Variants in STC2 observed in about 807,000 individuals in gnomAD.
STC2 encodes stanniocalcin-2.
A neutral mutation model predicts 22.7 loss-of-function variants in STC2; 7 were observed. That is an observed-to-expected ratio of 0.31 (90% CI 0.18 to 0.58). The LOEUF (loss-of-function observed/expected upper bound fraction) is 0.58. Among genes scored for constraint, STC2 ranks in the 20% least tolerant of loss-of-function variants. The probability of loss-of-function intolerance (pLI) is 0.89; values close to 1 mark genes in which losing one functional copy is unlikely to be tolerated. For synonymous variants in STC2, 158 were observed against 163.4 expected, an observed-to-expected ratio of 0.97 and a Z score of 0.25; for missense variants, 336 against 406.2, an observed-to-expected ratio of 0.83 and a Z score of 1.48.
At position 173,328,145 on chromosome 5, in the gene STC2, C is replaced by T. The variant is rs1192348754; in HGVS notation, c.49G>A (p.Ala17Thr). 4 of 1,597,828 alleles carry T rather than the reference C, an allele frequency of 2.5e-6. No homozygotes were observed. Among genetic ancestry groups the T allele is most frequent in the East Asian group, 2.3e-5 (1 of 43,414 alleles). Residue 17 changes from alanine (A) to threonine (T), a missense_variant, in exon 1 of 4, where the codon GCC becomes ACC. Ala to Thr is a moderately conservative substitution (Grantham distance 58). Around this residue, in one of 3 missense-constraint regions of STC2, gnomAD observed 99 missense variants for 122.7 expected, o/e 0.81. Coordinates refer to ENST00000265087, the MANE Select transcript of STC2 (RefSeq NM_003714.3). ...GQFMTLALVL[A>T]TFDPARGTDA... ...GTCCCCCGCGCCGGGTCAAAGGTGG[C>T]CAACACCAAAGCCAGGGTCATGAAC...
intron 2 of STC2, among the ~76,000 whole-genome samples, chr5:173,324,556 C>A (rs1044541038): frequency 1.3e-5 from 2 of 152,354 alleles, no homozygotes; most frequent in Non-Finnish European, 2.9e-5. Flanking sequence ...ATGGCCTCCC[C>A]GTGGCCCCCT....
intron 2 of STC2, among the ~76,000 whole-genome samples, chr5:173,324,560 GC>G (rs1175451960): frequency 3.9e-5 from 6 of 152,160 alleles, no homozygotes. Context: ...CCTCCCCGTG[GC>G]CCCCTCTCTT....
At chr5:173,322,381 T>C (rs1291632045) in intron 3 of STC2, among the ~76,000 whole-genome samples, 1 of 152,160 alleles carries the variant, frequency 6.6e-6, no homozygotes, top group Non-Finnish European at 1.5e-5. Context: ...TGCTGCAAAA[T>C]TTAGGATCCT....
intron 1 of STC2, among the ~76,000 whole-genome samples, chr5:173,327,226 C>T (rs1209523338): frequency 1.3e-5 from 2 of 152,240 alleles, no homozygotes; most frequent in East Asian, 3.9e-4. Context: ...CGCACGCCGC[C>T]GCTGCCGCGT....
At position 173,323,465 on chromosome 5, in the gene STC2, G is replaced by T; in HGVS notation, c.295-35C>A. ...CACAGGCCGGGGAAGGGAGAGAGGG[G>T]CAGAAAGCAGAAGACCTCGTTACAT... On this transcript the variant is annotated intron_variant, in intron 2 of 3. Transcript: ENST00000265087. This position sits in a 1 kb window ranked among gnomAD's most constrained non-coding sequence, Gnocchi z 5.4. 6.4e-7 allele frequency: 1 copy of T among 1,552,276 alleles called. No homozygotes were observed. Among genetic ancestry groups the T allele is most frequent in the Non-Finnish European group, 8.8e-7 (1 of 1,140,616 alleles).
Position 173,323,574 on chromosome 5 carries a change from TC to T in STC2, c.295-145del. ...AAGGCCCCACCAGAGACGGACGTCC[TC>T]CCAGGTGACAGGCAATGCGACATCC... On this transcript the variant is annotated intron_variant, in intron 2 of 3. Coordinates refer to ENST00000265087, the MANE Select transcript of STC2 (RefSeq NM_003714.3). This position sits in a 1 kb window ranked among gnomAD's most constrained non-coding sequence, Gnocchi z 5.4. 1.3e-6 allele frequency: 1 copy of T among 794,272 alleles called. No homozygotes were observed. The highest frequency in any genetic ancestry group is 2.0e-6 in the Non-Finnish European group (1 of 495,248). The allele number at this position is 794,272 out of a possible 1,614,324, so 49.2% of individuals were successfully genotyped here.
At position 173,315,862 on chromosome 5, in the gene STC2, G is replaced by C. The variant is rs992346357; in HGVS notation, c.*1985C>G. The C allele has an allele frequency of 1.3e-5, 2 of 152,246 alleles. No homozygotes were observed. Among genetic ancestry groups the C allele is most frequent in the Non-Finnish European group, 2.9e-5 (2 of 68,072 alleles). 9.4% of individuals were successfully genotyped at this position (152,246 alleles called of 1,614,324 possible). On this transcript the variant is annotated 3_prime_UTR_variant, in exon 4 of 4. Transcript: ENST00000265087. ...CCCCAGATCTTGCTGGGTGCCCAGGGAGCCCGGTGGCGGGGGCTGGAGGTG... is the reference window on the plus strand; with the variant it reads ...CCCCAGATCTTGCTGGGTGCCCAGGCAGCCCGGTGGCGGGGGCTGGAGGTG...
In STC2 at chr5:173,323,358, G is replaced by A. The variant is rs146639722; in HGVS notation, c.367C>T (p.Arg123Trp). ...ATTTCCCTGATGGCCGGGCACTTCCGGCTTATGCAGCCGAACCTGTGCCGC... is the reference window on the plus strand; with the variant it reads ...ATTTCCCTGATGGCCGGGCACTTCCAGCTTATGCAGCCGAACCTGTGCCGC... Reference protein sequence around the residue: ...ALRHRFGCISRKCPAIREMVS... With the variant: ...ALRHRFGCISWKCPAIREMVS... Residue 123 changes from arginine (R) to tryptophan (W), a missense_variant, in exon 3 of 4, where the codon CGG becomes TGG. Transcript: ENST00000265087. The surrounding 1 kb of genome is among the most constrained non-coding windows in gnomAD (Gnocchi z 5.4). 1 of 1,614,066 alleles carries A rather than the reference G, an allele frequency of 6.2e-7. No homozygotes were observed. Among genetic ancestry groups the A allele is most frequent in the Non-Finnish European group, 8.5e-7 (1 of 1,180,030 alleles).
intron 3 of STC2, chr5:173,322,931 G>T: frequency 2.3e-6 from 1 of 442,668 alleles, no homozygotes; most frequent in African/African-American, 2.0e-5. Flanking sequence ...TCTTGGCTAA[G>T]GGGAAGATGA....
chr5:173,319,549 G>A lies in STC2; in HGVS notation c.507-1300C>T, dbSNP rs924341668. 4.6e-5 allele frequency among the ~76,000 whole-genome samples: 7 copies of A among 152,374 alleles called. No homozygotes were observed. In the South Asian group the frequency reaches 1.4e-3, roughly 32 times the overall value. ...CCAGAGAGGCTGCGTTACAGCCCATGGAGCCTTTTCTTTGCAAGTTGGCAG... is the reference window on the plus strand; with the variant it reads ...CCAGAGAGGCTGCGTTACAGCCCATAGAGCCTTTTCTTTGCAAGTTGGCAG... On this transcript the variant is annotated intron_variant, in intron 3 of 3. Coordinates refer to ENST00000265087, the MANE Select transcript of STC2 (RefSeq NM_003714.3).
Position 173,323,027 on chromosome 5 carries a change from TTC to T in STC2, c.506+190_506+191del, listed in dbSNP as rs1183022978. 1.2e-5 allele frequency: 7 copies of T among 600,938 alleles called. No homozygotes were observed. The highest frequency in any genetic ancestry group is 9.3e-5 in the African/African-American group (5 of 53,816). The allele number at this position is 600,938 out of a possible 1,614,324, so 37.2% of individuals were successfully genotyped here. Reference sequence around the variant, plus strand: ...TGTGATTTTGAGACTGATGAGGGAATTCTCTCTTTTCCTAAAAGCCAGCAGGA... The same window carrying T: ...TGTGATTTTGAGACTGATGAGGGAATTCTCTTTTCCTAAAAGCCAGCAGGA... On this transcript the variant is annotated intron_variant, in intron 3 of 3. Transcript: ENST00000265087. The surrounding 1 kb of genome is among the most constrained non-coding windows in gnomAD (Gnocchi z 5.4).
intron 1 of STC2, 59 bp downstream of exon 1, chr5:173,327,984 G>C: frequency 7.2e-7 from 1 of 1,391,174 alleles, no homozygotes; most frequent in East Asian, 2.7e-5. Context: ...GGGGCGCGCC[G>C]CGTGGGTGCA....
At chr5:173,322,982 G>A (rs1364759689) in intron 3 of STC2, 8 of 564,162 alleles carry the variant, frequency 1.4e-5, no homozygotes, top group African/African-American at 5.6e-5. Context: ...TTAGTAAAAC[G>A]ATTTCCCATT....
intron 2 of STC2, among the ~76,000 whole-genome samples, chr5:173,324,724 GA>G (rs1762525789): frequency 6.6e-6 from 1 of 152,206 alleles, no homozygotes; most frequent in Admixed American, 6.5e-5. Flanking sequence ...GAATTTATGC[GA>G]GGGCTGTGGC....
rs200270109 is a variant in STC2 at position 173,318,022 on chromosome 5, T to G, written c.734A>C (p.His245Pro). Residue 245 changes from histidine to proline, a missense_variant, in exon 4 of 4, where the codon CAC becomes CCC. Around this residue, in one of 3 missense-constraint regions of STC2, gnomAD observed 215 missense variants for 231.5 expected, o/e 0.93. Transcript: ENST00000265087. Reference sequence around the variant, plus strand: ...CTCCCTACTGCTGGGCTCTGGGAGGTGATGTCCTGCTTCCCCGTGGTGGGC... The same window carrying G: ...CTCCCTACTGCTGGGCTCTGGGAGGGGATGTCCTGCTTCCCCGTGGTGGGC... ...SRAHHGEAGH[H>P]LPEPSSRETG... is the part of the protein sequence containing the mutation. 4 of 1,611,838 alleles carry G rather than the reference T, an allele frequency of 2.5e-6. No homozygotes were observed. The highest frequency in any genetic ancestry group is 8.5e-7 in the Non-Finnish European group (1 of 1,179,312).
chr5:173,318,290 G>GAGAGAGAGAA lies in STC2; in HGVS notation c.507-42_507-41insTTCTCTCTCT, dbSNP rs573942785. The GAGAGAGAGAA allele has an allele frequency of 4.4e-5, 61 of 1,379,362 alleles. No homozygotes were observed. In the East Asian group the frequency reaches 1.1e-3, roughly 24 times the overall value. 85.4% of individuals were successfully genotyped at this position (1,379,362 alleles called of 1,614,324 possible). A position where few individuals can be genotyped will look rare whatever the true frequency, so the allele number is the denominator to read the frequency against. On this transcript the variant is annotated intron_variant, in intron 3 of 3. Transcript: ENST00000265087. The stretch of plus-strand genomic sequence containing the variant: ...AAAGAGAGAGAGAGAGAGAGAGAGA[G>GAGAGAGAGAA]AGAGAGAGAGGCTGGGAATGGAGCA...
intron 3 of STC2, among the ~76,000 whole-genome samples, chr5:173,320,716 AT>A (rs1270262800): frequency 8.6e-6 from 1 of 115,782 alleles, no homozygotes; most frequent in East Asian, 3.0e-4. Context: ...TCTGGTGTGG[AT>A]GGGGGTTGGG....
chr5:173,317,916 C>T lies in STC2; in HGVS notation c.840G>A (p.Gly280=), dbSNP rs748959908. 5.0e-6 allele frequency: 8 copies of T among 1,612,430 alleles called. No homozygotes were observed. The highest frequency in any genetic ancestry group is 6.8e-6 in the Non-Finnish European group (8 of 1,179,080). ...CGCTGCTTCCGGAAGGTCCCTGAGCCCCAAGGCCCCCGACTCTGCCTCGGG... is the reference window on the plus strand; with the variant it reads ...CGCTGCTTCCGGAAGGTCCCTGAGCTCCAAGGCCCCCGACTCTGCCTCGGG... ...AHARGRVGGL[G]AQGPSGSSEW... The change falls in exon 4 of 4, where the codon GGG becomes GGA. Residue 280 remains glycine (G), a synonymous_variant. Transcript: ENST00000265087.
In STC2 at chr5:173,317,650, G is replaced by A. The variant is rs1033991604; in HGVS notation, c.*197C>T. The A allele has an allele frequency of 1.4e-5, 8 of 557,016 alleles. No homozygotes were observed. The highest frequency in any genetic ancestry group is 1.3e-4 in the African/African-American group (7 of 52,944). The allele number at this position is 557,016 out of a possible 1,614,324, so 34.5% of individuals were successfully genotyped here. A position where few individuals can be genotyped will look rare whatever the true frequency, so the allele number is the denominator to read the frequency against. ...TACGTGTAAGTGCAGAATTCACCAG[G>A]CACCCCTGAGACCCCACGGCCCCAG... On this transcript the variant is annotated 3_prime_UTR_variant, in exon 4 of 4. Transcript: ENST00000265087.
Sources: allele counts gnomAD v4.1 joint callset (sites outside exome capture counted in the v4.1 genomes callset), GRCh38; gene constraint gnomAD v4.1.1; regional missense constraint gnomAD v4.1.1; non-coding constraint Gnocchi (gnomAD v3.1); transcripts MANE v1.5; gene names NCBI Gene and HGNC (gene_info 2026-07-23, HGNC 2026-07-21).